The following VGLL4 variants were observed in gnomAD, a reference collection of about 807,000 sequenced individuals.
The protein encoded by VGLL4 is vestigial like family member 4, also known as transcription cofactor vestigial-like protein 4.
A neutral mutation model predicts 21.0 loss-of-function variants in VGLL4; 7 were observed. The ratio of observed to expected loss-of-function variants is 0.33; its 90% CI spans 0.19 to 0.63. VGLL4 has a LOEUF of 0.63. Among genes scored for constraint, VGLL4 ranks in the 20% least tolerant of loss-of-function variants. The pLI is 0.78. For missense variants in VGLL4, 394 were observed against 425.7 expected (o/e 0.93, Z 0.66); for synonymous variants, 222 against 173.2 (o/e 1.28, Z -2.21).
At chr3:11,647,989 T>TAA (rs11408793), upstream of VGLL4, among the ~76,000 whole-genome samples, 56,104 of 147,216 alleles carry the variant, frequency 0.38, 11,120 homozygotes, top group Non-Finnish European at 0.47. Context: ...AGCTCATCCA[T>TAA]AAAAAAAAAA....
intron 1 of VGLL4, among the ~76,000 whole-genome samples, chr3:11,640,324 T>G (rs540969389): frequency 6.6e-6 from 1 of 151,990 alleles, no homozygotes; most frequent in Non-Finnish European, 1.5e-5. Context: ...TATTCTCAGG[T>G]GTTCAGAGGA....
intron 2 of VGLL4, among the ~76,000 whole-genome samples, chr3:11,689,449 A>G (rs1229578872): frequency 2.0e-5 from 3 of 152,184 alleles, no homozygotes; most frequent in Admixed American, 6.5e-5. Flanking sequence ...TTTAAGTTCA[A>G]TCACCACATT....
Position 11,665,101 on chromosome 3 carries a change from C to CTTTTTTTTTTTTTTTT in VGLL4, c.64+37854_64+37869dup, listed in dbSNP as rs59999510. 2.1e-5 allele frequency among the ~76,000 whole-genome samples: 2 copies of CTTTTTTTTTTTTTTTT among 96,950 alleles called. 1 individual carries two copies. Among genetic ancestry groups the CTTTTTTTTTTTTTTTT allele is most frequent in the African/African-American group, 9.8e-5 (2 of 20,474 alleles). The allele number at this position is 96,950 out of a possible 152,430, so 63.6% of individuals were successfully genotyped here. On this transcript the variant is annotated intron_variant, in intron 2 of 5. Coordinates refer to the VGLL4 transcript ENST00000273038. ...AAATGAAAGCAATTTGAATATTTTT[C>CTTTTTTTTTTTTTTTT]TTTTTTTTTTTTTTTTTTTTTTTTT...
intron 2 of VGLL4, among the ~76,000 whole-genome samples, chr3:11,697,274 T>G (rs928134210): frequency 2.4e-5 from 3 of 123,706 alleles, no homozygotes; most frequent in Non-Finnish European, 3.6e-5. Flanking sequence ...CTAATTGTGG[T>G]TTTTTTTTTT....
chr3:11,658,098 T>TA (rs1193561814), intron 2 of VGLL4, among the ~76,000 whole-genome samples: 3 of 138,404 alleles, frequency 2.2e-5, no homozygotes, highest in African/African-American at 9.4e-5. Flanking sequence ...CACACCTGGC[T>TA]AATTTTTGTA....
At chr3:11,696,024 GAAAC>G (rs1431680682) in intron 2 of VGLL4, among the ~76,000 whole-genome samples, 3 of 152,172 alleles carry the variant, frequency 2.0e-5, no homozygotes, top group African/African-American at 7.2e-5. Context: ...AATACATAGA[GAAAC>G]AGACAGACAT....
intron 1 of VGLL4, chr3:11,610,641 T>A (rs937618880): frequency 2.0e-5 from 3 of 152,250 alleles, no homozygotes; most frequent in Non-Finnish European, 4.4e-5. Context: ...CTACTCTTTT[T>A]GTTTAAGAGC....
chr3:11,626,204 T>C (rs1463313928), intron 1 of VGLL4, among the ~76,000 whole-genome samples: 2 of 152,150 alleles, frequency 1.3e-5, no homozygotes, highest in Non-Finnish European at 2.9e-5. Context: ...CAAAAATTAG[T>C]CAAGCAACTG....
At chr3:11,707,788 G>A (rs567217711) in intron 1 of VGLL4, among the ~76,000 whole-genome samples, 42 of 152,270 alleles carry the variant, frequency 2.8e-4, no homozygotes, top group African/African-American at 9.6e-4. Context: ...GAAGCCAGGA[G>A]GTCGATGCTG....
chr3:11,573,399 A>G (rs529955073), intron 2 of VGLL4, among the ~76,000 whole-genome samples: 7 of 149,994 alleles, frequency 4.7e-5, no homozygotes, highest in African/African-American at 1.2e-4. Flanking sequence ...AAGAAAGAAA[A>G]TGGCCCCATA....
intron 2 of VGLL4, among the ~76,000 whole-genome samples, chr3:11,650,953 A>G (rs531060925): frequency 4.7e-4 from 71 of 152,302 alleles, no homozygotes; most frequent in African/African-American, 1.5e-3. Flanking sequence ...GATGATGATG[A>G]TGGTGGTGTT....
At chr3:11,605,993 G>A (rs1051901656) in intron 1 of VGLL4, among the ~76,000 whole-genome samples, 9 of 152,210 alleles carry the variant, frequency 5.9e-5, no homozygotes, top group African/African-American at 1.4e-4. Context: ...CTGTTCTCAC[G>A]TTGCTGATAA....
At chr3:11,687,000 T>C (rs1373469081) in intron 2 of VGLL4, among the ~76,000 whole-genome samples, 1 of 148,698 alleles carries the variant, frequency 6.7e-6, no homozygotes, top group Non-Finnish European at 1.5e-5. Context: ...GTTGGCTGAA[T>C]TGTAAAATAC....
intron 1 of VGLL4, among the ~76,000 whole-genome samples, chr3:11,629,802 T>C (rs2075438550): frequency 6.7e-6 from 1 of 149,144 alleles, no homozygotes; most frequent in Non-Finnish European, 1.5e-5. Flanking sequence ...AGAAAGGGCA[T>C]TCCAAATGGG....
At chr3:11,619,946 T>C (rs1162083998) in intron 1 of VGLL4, among the ~76,000 whole-genome samples, 1 of 152,206 alleles carries the variant, frequency 6.6e-6, no homozygotes, top group Non-Finnish European at 1.5e-5. Context: ...CTGGTCACAC[T>C]GGAGACTTTT....
intron 2 of VGLL4, 23 bp downstream of exon 2, chr3:11,601,809 CA>C: frequency 6.2e-7 from 1 of 1,612,038 alleles, no homozygotes; most frequent in Non-Finnish European, 8.5e-7. Flanking sequence ...ACCCTTAAGC[CA>C]AAATAAGAAC....
chr3:11,577,993 G>A (rs2074103460), intron 2 of VGLL4, among the ~76,000 whole-genome samples: 1 of 152,162 alleles, frequency 6.6e-6, no homozygotes, highest in African/African-American at 2.4e-5. Context: ...ATATTTAAGA[G>A]GGTCACACTC....
intron 2 of VGLL4, among the ~76,000 whole-genome samples, chr3:11,692,227 T>C (rs2076536966): frequency 6.6e-6 from 1 of 152,196 alleles, no homozygotes; most frequent in Non-Finnish European, 1.5e-5. Context: ...GGCATGTTAT[T>C]TTCACCAGTG....
rs890060410 is a variant in VGLL4 at position 11,655,846 on chromosome 3, G to T, written c.64+47125C>A. Among the ~76,000 whole-genome samples, 4 of 152,242 alleles carry T rather than the reference G, an allele frequency of 2.6e-5. No individual in the cohort carries two copies. The South Asian group carries it at 6.2e-4, about 24-fold the overall frequency. ...GGCCTGTGTACTCCTCTGATGAACG[G>T]CCATCTCCCTCCCATTCACATCCGT... On this transcript the variant is annotated intron_variant, in intron 2 of 5. Transcript: ENST00000273038.
Sources: gnomAD v4.1 joint callset for allele counts (sites outside exome capture counted in the v4.1 genomes callset) on GRCh38, gnomAD v4.1.1 for gene constraint, MANE v1.5 for transcripts, NCBI Gene and HGNC (gene_info 2026-07-23, HGNC 2026-07-21) for gene names.